Variants in FHOD3 observed in about 807,000 individuals in gnomAD.
The protein encoded by FHOD3 is FH1/FH2 domain-containing protein 3.
In FHOD3, 90 loss-of-function variants were observed where a neutral mutation model predicts 173.0. The observed-to-expected ratio is 0.52, with a 90% CI of 0.44 to 0.62. The LOEUF is 0.62. FHOD3 is among the 20% of genes least tolerant of loss of function. FHOD3 has a pLI of 0.00. For missense variants in FHOD3, 1,945 were observed against 2,034.7 expected (o/e 0.96, Z 0.85); for synonymous variants, 828 against 823.0 (o/e 1.01, Z -0.10).
chr18:36,365,367 T>C (rs1448302374), intron 2 of FHOD3, among the ~76,000 whole-genome samples: 2 of 152,168 alleles, frequency 1.3e-5, no homozygotes, highest in Non-Finnish European at 2.9e-5. Context: ...AAATCATATA[T>C]CTGATATCTG....
intron 3 of FHOD3, among the ~76,000 whole-genome samples, chr18:36,430,466 T>G (rs1223185873): frequency 6.6e-6 from 1 of 152,222 alleles, no homozygotes; most frequent in African/African-American, 2.4e-5. Flanking sequence ...TCCGCCTGCC[T>G]CGGCCTCCCA....
At chr18:36,400,840 C>T (rs1432292766) in intron 3 of FHOD3, among the ~76,000 whole-genome samples, 1 of 152,134 alleles carries the variant, frequency 6.6e-6, no homozygotes. Flanking sequence ...GAGGACCCAT[C>T]CCGGAAGCAG....
At chr18:36,763,038 A>G (rs2042958938) in intron 27 of FHOD3, among the ~76,000 whole-genome samples, 1 of 131,482 alleles carries the variant, frequency 7.6e-6, no homozygotes, top group African/African-American at 2.7e-5. Context: ...TATATATAAT[A>G]TGCGTATTAT....
rs538196078 is a variant in FHOD3 at position 36,521,621 on chromosome 18, T to C, written c.511+9078T>C. Reference sequence around the variant, plus strand: ...TTTTTGAGTTCAGATCATCATTTGTTCCTTCCTAACCTGCTCTACCAGCTG... The same window carrying C: ...TTTTTGAGTTCAGATCATCATTTGTCCCTTCCTAACCTGCTCTACCAGCTG... On this transcript the variant is annotated intron_variant, in intron 5 of 28. Coordinates refer to ENST00000590592, the MANE Select transcript of FHOD3 (RefSeq NM_001281740.3). Among the ~76,000 whole-genome samples the C allele has an allele frequency of 4.4e-4, 67 of 152,316 alleles. No homozygotes were observed. The Middle Eastern group carries it at 0.017, about 39-fold the overall frequency.
intron 5 of FHOD3, among the ~76,000 whole-genome samples, chr18:36,539,764 G>A: frequency 6.6e-6 from 1 of 152,318 alleles, no homozygotes; most frequent in African/African-American, 2.4e-5. Context: ...TTATGAGTAT[G>A]ATTTCTAGAG....
intron 5 of FHOD3, among the ~76,000 whole-genome samples, chr18:36,552,789 C>G (rs563074331): frequency 6.6e-6 from 1 of 152,076 alleles, no homozygotes; most frequent in African/African-American, 2.4e-5. Flanking sequence ...TGAGCCACTG[C>G]GCCCGGCCAA....
intron 24 of FHOD3, among the ~76,000 whole-genome samples, chr18:36,750,432 G>T (rs1349095771): frequency 6.6e-6 from 1 of 152,158 alleles, no homozygotes; most frequent in African/African-American, 2.4e-5. Context: ...CCACTCTATA[G>T]GTTATCTGTT....
intron 20 of FHOD3, among the ~76,000 whole-genome samples, chr18:36,733,931 T>C (rs1404940475): frequency 6.6e-6 from 1 of 152,174 alleles, no homozygotes; most frequent in Non-Finnish European, 1.5e-5. Flanking sequence ...GCTCTGAAGC[T>C]TGAATCCAGA....
intron 17 of FHOD3, among the ~76,000 whole-genome samples, chr18:36,708,065 G>GA (rs1422262239): frequency 4.6e-5 from 7 of 151,938 alleles, no homozygotes; most frequent in Admixed American, 1.3e-4. Flanking sequence ...GTTTTGCTCA[G>GA]AAAAAATAAA....
At chr18:36,659,059 C>G (rs1048970895) in intron 14 of FHOD3, among the ~76,000 whole-genome samples, 1 of 152,180 alleles carries the variant, frequency 6.6e-6, no homozygotes, top group Non-Finnish European at 1.5e-5. Context: ...AGATCACTTA[C>G]CTCAAATCCC....
intron 7 of FHOD3, among the ~76,000 whole-genome samples, chr18:36,600,516 T>G (rs1171780974): frequency 1.3e-5 from 2 of 152,224 alleles, no homozygotes; most frequent in Non-Finnish European, 2.9e-5. Flanking sequence ...ATAAAAAGAA[T>G]GAACATCCAT....
chr18:36,772,728 G>T (rs1460430789), intron 28 of FHOD3, among the ~76,000 whole-genome samples: 1 of 152,234 alleles, frequency 6.6e-6, no homozygotes, highest in Non-Finnish European at 1.5e-5. Flanking sequence ...GCTCAGGTCG[G>T]CTGCTCTCCC....
At chr18:36,678,292 C>A (rs1305137546) in intron 14 of FHOD3, among the ~76,000 whole-genome samples, 1 of 152,028 alleles carries the variant, frequency 6.6e-6, no homozygotes, top group Non-Finnish European at 1.5e-5. Context: ...GTAATCCCAG[C>A]ACTTTGGGAG....
intron 12 of FHOD3, 76 bp downstream of exon 12, chr18:36,653,005 G>C (rs1180877859): frequency 2.9e-5 from 42 of 1,448,252 alleles, no homozygotes; most frequent in Non-Finnish European, 3.8e-5. Context: ...GCACCCCTTG[G>C]CTTGGCTTCT....
intron 5 of FHOD3, among the ~76,000 whole-genome samples, chr18:36,574,427 T>C (rs1158378291): frequency 2.6e-5 from 4 of 152,188 alleles, no homozygotes; most frequent in Non-Finnish European, 4.4e-5. Flanking sequence ...CTTTTTTCTA[T>C]TGGCATTTAA....
At chr18:36,578,695 A>G (rs2148040592) in intron 6 of FHOD3, among the ~76,000 whole-genome samples, 1 of 151,900 alleles carries the variant, frequency 6.6e-6, no homozygotes, top group African/African-American at 2.4e-5. Flanking sequence ...TTTGGGGAGG[A>G]GTATGGTTCT....
intron 4 of FHOD3, among the ~76,000 whole-genome samples, chr18:36,503,133 A>G (rs995271740): frequency 2.0e-5 from 3 of 152,142 alleles, no homozygotes; most frequent in Non-Finnish European, 2.9e-5. Flanking sequence ...ACCCTGAGAA[A>G]GTCACCAACA....
intron 3 of FHOD3, among the ~76,000 whole-genome samples, chr18:36,430,203 G>A (rs1386664134): frequency 6.6e-6 from 1 of 152,162 alleles, no homozygotes; most frequent in East Asian, 1.9e-4. Context: ...ACAAGACTAG[G>A]GTTGGGCAAA....
At chr18:36,460,220 C>G (rs1170051321) in intron 3 of FHOD3, among the ~76,000 whole-genome samples, 31 of 152,152 alleles carry the variant, frequency 2.0e-4, no homozygotes, top group Admixed American at 2.0e-3. Context: ...TTTCTCTCCC[C>G]TTTCTATGCT....
Sources: gnomAD v4.1 joint callset for allele counts (sites outside exome capture counted in the v4.1 genomes callset) on GRCh38, gnomAD v4.1.1 for gene constraint, MANE v1.5 for transcripts, NCBI Gene and HGNC (gene_info 2026-07-23, HGNC 2026-07-21) for gene names.